SCARA5: variants seen among roughly 807,000 people sequenced by gnomAD.
SCARA5 encodes the protein scavenger receptor class A member 5.
A neutral mutation model predicts 46.3 loss-of-function variants in SCARA5; 45 were observed. The observed-to-expected ratio is 0.97, with a 90% confidence interval of 0.76 to 1.24. The LOEUF is 1.24. SCARA5 is among the 50% of genes most tolerant of loss of function. The pLI, the probability that SCARA5 is intolerant of heterozygous loss-of-function variation, is 0.00. For missense variants in SCARA5, 680 were observed against 689.0 expected (o/e 0.99, Z 0.15); for synonymous variants, 333 against 306.5 (o/e 1.09, Z -0.90).
intron 7 of SCARA5, among the ~76,000 whole-genome samples, chr8:27,890,008 A>G (rs1426568313): frequency 1.3e-5 from 2 of 152,152 alleles, no homozygotes; most frequent in Non-Finnish European, 2.9e-5. Flanking sequence ...TTATCCATCA[A>G]TTTGCAGGTA....
Position 27,921,817 on chromosome 8 carries a change from C to T in SCARA5, c.670G>A (p.Gly224Ser). ...TGGTTGAGGCCGCGCAGCACGCCGC[C>T]CACGTCGGCCAGCTCCTCGCCCAGG... ...GILGEELADV[G>S]GVLRGLNHSL... The change falls in exon 4 of 9, where the codon GGC (glycine) becomes AGC (serine). Residue 224 changes from glycine to serine, a missense_variant. This residue lies in a region of SCARA5 where 438 missense variants were observed against 384.5 expected (regional missense o/e 1.14). Transcript: ENST00000354914. 6.5e-7 allele frequency: 1 copy of T among 1,549,564 alleles called. No homozygotes were observed.
chr8:27,917,015 G>A (rs1807472962), intron 4 of SCARA5, among the ~76,000 whole-genome samples: 1 of 152,194 alleles, frequency 6.6e-6, no homozygotes, highest in Non-Finnish European at 1.5e-5. Context: ...TGAGGACACA[G>A]CAAGAAGTCA....
chr8:27,939,959 C>T (rs1254617285), intron 3 of SCARA5, among the ~76,000 whole-genome samples: 1 of 152,178 alleles, frequency 6.6e-6, no homozygotes, highest in East Asian at 1.9e-4. Flanking sequence ...TTAGAGGCCC[C>T]TCCTGTATTT....
At chr8:27,960,410 C>G (rs956228126) in intron 3 of SCARA5, among the ~76,000 whole-genome samples, 3 of 152,148 alleles carry the variant, frequency 2.0e-5, no homozygotes, top group Non-Finnish European at 4.4e-5. Context: ...CTTTTAGGCT[C>G]AAGCAATCCT....
rs774080674 is a variant in SCARA5 at position 27,922,233 on chromosome 8, C to T, written c.254G>A (p.Arg85His). The T allele has an allele frequency of 2.6e-6, 4 of 1,566,628 alleles. No homozygotes were observed. The highest frequency in any genetic ancestry group is 2.7e-5 in the African/African-American group (2 of 73,006). ...GGCCTTCAGGTCGTCAGGGGAGCTG[C>T]GCGGCCTGGACACTGCGGAGGAGGA... ...GIFILAVSRP[R>H]SSPDDLKALT... Residue 85 changes from arginine (R) to histidine (H), a missense_variant, in exon 4 of 9, where the codon CGC (arginine) becomes CAC (histidine). Transcript: ENST00000354914.
Position 27,871,472 on chromosome 8 carries a change from G to A in SCARA5, c.*462C>T, listed in dbSNP as rs1366968688. On this transcript the variant is annotated 3_prime_UTR_variant, in exon 9 of 9. Coordinates refer to ENST00000354914, the MANE Select transcript of SCARA5 (RefSeq NM_173833.6). Reference sequence around the variant, plus strand: ...AATTCATCACTTGACGTTGCCTCTTGCTGGGGAGGAAGATGTAGAAACTCT... The same window carrying A: ...AATTCATCACTTGACGTTGCCTCTTACTGGGGAGGAAGATGTAGAAACTCT... 1.0e-5 allele frequency: 10 copies of A among 989,972 alleles called. No individual in the cohort carries two copies. Among genetic ancestry groups the A allele is most frequent in the Non-Finnish European group, 1.2e-5 (10 of 832,694 alleles). 61.3% of individuals were successfully genotyped at this position (989,972 alleles called of 1,614,324 possible). A position where few individuals can be genotyped will look rare whatever the true frequency, so the allele number is the denominator to read the frequency against.
intron 3 of SCARA5, among the ~76,000 whole-genome samples, chr8:27,931,906 G>A (rs912255004): frequency 3.3e-5 from 5 of 151,918 alleles, no homozygotes; most frequent in South Asian, 2.1e-4. Flanking sequence ...CACTCGCCTC[G>A]GCCTCCCAAA....
intron 2 of SCARA5, among the ~76,000 whole-genome samples, chr8:27,978,747 G>T (rs1353246494): frequency 6.6e-6 from 1 of 152,080 alleles, no homozygotes; most frequent in Non-Finnish European, 1.5e-5. Context: ...CTGGCCTCAA[G>T]CAATCCTCCC....
Position 27,921,950 on chromosome 8 carries a change from G to A in SCARA5, c.537C>T (p.Asp179=). ...GCTGGTAGAGCTCCAGCTGCGCCGT[G>A]TCGCTCTGCTGGCCCGTGCGGTCCC... ...LLRDRTGQQS[D]TAQLELYQLQ... Residue 179 remains aspartate, a synonymous_variant, in exon 4 of 9, where the codon GAC becomes GAT. Transcript: ENST00000354914. 1 of 1,544,782 alleles carries A rather than the reference G, an allele frequency of 6.5e-7. No individual in the cohort carries two copies. Among genetic ancestry groups the A allele is most frequent in the Non-Finnish European group, 8.7e-7 (1 of 1,154,276 alleles).
intron 3 of SCARA5, among the ~76,000 whole-genome samples, chr8:27,951,533 G>C (rs1808127627): frequency 6.6e-6 from 1 of 152,238 alleles, no homozygotes. Flanking sequence ...CCCTGCCCAA[G>C]GTCACACAGC....
intron 2 of SCARA5, among the ~76,000 whole-genome samples, chr8:27,974,371 C>T (rs1808492130): frequency 1.3e-5 from 2 of 151,988 alleles, no homozygotes; most frequent in Non-Finnish European, 2.9e-5. Context: ...AATTTATTTC[C>T]CCCCTCCCAT....
Position 27,871,901 on chromosome 8 carries a change from G to T in SCARA5, c.*33C>A. 6.2e-7 allele frequency: 1 copy of T among 1,613,194 alleles called. No individual in the cohort carries two copies. The highest frequency in any genetic ancestry group is 8.5e-7 in the Non-Finnish European group (1 of 1,180,010). On this transcript the variant is annotated 3_prime_UTR_variant, in exon 9 of 9. Coordinates refer to ENST00000354914, the MANE Select transcript of SCARA5 (RefSeq NM_173833.6). The stretch of plus-strand genomic sequence containing the variant: ...CCCAGGGATGCAGGAAGGGTGCTCT[G>T]TGCAGGACCCCGAACTTGGGCTCTG...
chr8:27,922,262 G>A lies in SCARA5; in HGVS notation c.242-17C>T. 1 of 1,499,740 alleles carries A rather than the reference G, an allele frequency of 6.7e-7. No individual in the cohort carries two copies. The highest frequency in any genetic ancestry group is 1.4e-5 in the South Asian group (1 of 73,024). The allele number at this position is 1,499,740 out of a possible 1,614,324, so 92.9% of individuals were successfully genotyped here. ...GCCTGGACACTGCGGAGGAGGAAGA[G>A]GGGAGACTTGAGCACCGCTGGGGAG... is the stretch of plus-strand genomic sequence containing the variant. On this transcript the variant is annotated splice_polypyrimidine_tract_variant and intron_variant, in intron 3 of 8. Transcript: ENST00000354914.
chr8:27,978,030 T>C (rs1257075120), intron 2 of SCARA5, among the ~76,000 whole-genome samples: 1 of 145,558 alleles, frequency 6.9e-6, no homozygotes, highest in African/African-American at 2.5e-5. Flanking sequence ...TTTTGTTTTT[T>C]TTTTTTTTTT....
At chr8:27,958,334 G>A (rs1322263220) in intron 3 of SCARA5, among the ~76,000 whole-genome samples, 1 of 152,222 alleles carries the variant, frequency 6.6e-6, no homozygotes, top group Non-Finnish European at 1.5e-5. Context: ...AGACAGAGGT[G>A]CCTTCTGCAG....
At chr8:27,988,897 G>A (rs1465588487) in intron 1 of SCARA5, among the ~76,000 whole-genome samples, 3 of 152,232 alleles carry the variant, frequency 2.0e-5, no homozygotes, top group African/African-American at 7.2e-5. Context: ...TCAACCCAGA[G>A]GAGGCTGGGA....
In SCARA5 at chr8:27,960,997, G is replaced by A. The variant is rs113261422; in HGVS notation, c.241+5417C>T. 6.5e-3 allele frequency among the ~76,000 whole-genome samples: 997 copies of A among 152,274 alleles called. 8 individuals are homozygous for A. Among genetic ancestry groups the A allele is most frequent in the African/African-American group, 0.023 (952 of 41,548 alleles). On this transcript the variant is annotated intron_variant, in intron 3 of 8. Coordinates refer to ENST00000354914, the MANE Select transcript of SCARA5 (RefSeq NM_173833.6). Reference sequence around the variant, plus strand: ...TTACAAATGGGTGAACTCCCATTCAGACAGCAAAGTGATGTTCCCAAGGTT... The same window carrying A: ...TTACAAATGGGTGAACTCCCATTCAAACAGCAAAGTGATGTTCCCAAGGTT...
At chr8:27,985,185 C>T (rs1045958991) in intron 2 of SCARA5, among the ~76,000 whole-genome samples, 1 of 151,442 alleles carries the variant, frequency 6.6e-6, no homozygotes, top group Non-Finnish European at 1.5e-5. Context: ...AGTCAGACCA[C>T]GGAAGAAAGG....
intron 2 of SCARA5, among the ~76,000 whole-genome samples, chr8:27,972,374 C>T (rs1808462053): frequency 6.6e-6 from 1 of 151,904 alleles, no homozygotes; most frequent in Non-Finnish European, 1.5e-5. Context: ...AAAAAGTAGA[C>T]ACTTTAACAG....
Sources: allele counts gnomAD v4.1 joint callset (sites outside exome capture counted in the v4.1 genomes callset), GRCh38; gene constraint gnomAD v4.1.1; regional missense constraint gnomAD v4.1.1; transcripts MANE v1.5; gene names NCBI Gene and HGNC (gene_info 2026-07-23, HGNC 2026-07-21).